The following CYLC2 variants were observed in gnomAD, a reference collection of about 807,000 sequenced individuals.
CYLC2 encodes the protein cylicin 2.
A neutral mutation model predicts 26.1 loss-of-function variants in CYLC2; 30 were observed. The observed-to-expected ratio is 1.15, with a 90% confidence interval of 0.86 to 1.56. CYLC2 has a LOEUF of 1.56. Ranked by LOEUF, CYLC2 falls within the 40% of genes most tolerant of loss-of-function variation. The pLI, the probability that CYLC2 is intolerant of heterozygous loss-of-function variation, is 0.00. For synonymous variants in CYLC2, 158 were observed against 132.8 expected (o/e 1.19, Z -1.31); for missense variants, 498 against 394.4 (o/e 1.26, Z -2.23).
intron 6 of CYLC2, among the ~76,000 whole-genome samples, chr9:103,013,385 A>C (rs1564100531): frequency 1.6e-5 from 1 of 64,388 alleles, no homozygotes; most frequent in Non-Finnish European, 2.5e-5. Context: ...ATATTATATA[A>C]ATATATATTA....
chr9:103,005,261 AG>A lies in CYLC2; in HGVS notation c.632del (p.Gly211GlufsTer22). The A allele has an allele frequency of 1.2e-6, 2 of 1,613,528 alleles. No individual in the cohort carries two copies. The highest frequency in any genetic ancestry group is 1.7e-6 in the Non-Finnish European group (2 of 1,179,866). On this transcript the variant is annotated frameshift_variant, in exon 5 of 8. Transcript: ENST00000374798. LOFTEE classifies it high-confidence loss of function. Reference protein sequence around the residue: ...DSATESEGEKGGTEKDSKKGK... With the variant: ...DSATESEGEKXGTEKDSKKGK... Reference sequence around the variant, plus strand: ...CGGCAACAGAATCTGAAGGTGAAAAAGGAGGTACAGAGAAAGATAGCAAAAA... The same window carrying A: ...CGGCAACAGAATCTGAAGGTGAAAAAGAGGTACAGAGAAAGATAGCAAAAA...
At chr9:103,008,186 T>C (rs1231850181) in intron 5 of CYLC2, among the ~76,000 whole-genome samples, 1 of 152,120 alleles carries the variant, frequency 6.6e-6, no homozygotes, top group East Asian at 1.9e-4. Flanking sequence ...TTTTCACCAA[T>C]AGGATTCAAA....
At position 102,995,731 on chromosome 9, in the gene CYLC2, T is replaced by C. The variant is rs867355428; in HGVS notation, c.17+334T>C. Among the ~76,000 whole-genome samples, 17 of 151,916 alleles carry C rather than the reference T, an allele frequency of 1.1e-4. No homozygotes were observed. In the South Asian group the frequency reaches 1.9e-3, roughly 17 times the overall value. ...ATGATTTTCAGTCAGGGAACCACCTTGGAAATTTCTGTGAATATTTTTTGT... is the reference window on the plus strand; with the variant it reads ...ATGATTTTCAGTCAGGGAACCACCTCGGAAATTTCTGTGAATATTTTTTGT... On this transcript the variant is annotated intron_variant, in intron 1 of 7. Coordinates refer to ENST00000374798, the MANE Select transcript of CYLC2 (RefSeq NM_001340.5).
intron 6 of CYLC2, among the ~76,000 whole-genome samples, chr9:103,015,426 A>C (rs1829492166): frequency 7.3e-6 from 1 of 136,428 alleles, no homozygotes; most frequent in Non-Finnish European, 1.5e-5. Context: ...TATTATAATT[A>C]TATACTTATA....
intron 5 of CYLC2, among the ~76,000 whole-genome samples, chr9:103,008,904 A>T (rs1829378202): frequency 1.3e-5 from 2 of 152,058 alleles, no homozygotes; most frequent in Admixed American, 1.3e-4. Flanking sequence ...CCTTGGTCAA[A>T]GCTTTCTAGT....
intron 6 of CYLC2, among the ~76,000 whole-genome samples, chr9:103,013,908 A>G (rs1049765496): frequency 2.6e-5 from 3 of 114,510 alleles, no homozygotes; most frequent in Non-Finnish European, 4.8e-5. Context: ...ATATAATATT[A>G]TATTATACAT....
chr9:103,013,589 A>G (rs1446029086), intron 6 of CYLC2, among the ~76,000 whole-genome samples: 1 of 112,274 alleles, frequency 8.9e-6, no homozygotes, highest in Non-Finnish European at 1.6e-5. Context: ...TTTACAATAT[A>G]TAAATATATT....
In CYLC2 at chr9:102,997,371, GT is replaced by G. The variant is rs1232492079; in HGVS notation, c.17+1975del. Among the ~76,000 whole-genome samples the G allele has an allele frequency of 2.0e-5, 3 of 151,858 alleles. 1 individual carries two copies. The highest frequency in any genetic ancestry group is 2.9e-5 in the Non-Finnish European group (2 of 67,910). On this transcript the variant is annotated intron_variant, in intron 1 of 7. Coordinates refer to ENST00000374798, the MANE Select transcript of CYLC2 (RefSeq NM_001340.5). Reference sequence around the variant, plus strand: ...TCAGACATTGCAAAATATTCTCTGGGTGAGGAGTTCGAAATAAATCCATGCT... The same window carrying G: ...TCAGACATTGCAAAATATTCTCTGGGGAGGAGTTCGAAATAAATCCATGCT...
intron 6 of CYLC2, among the ~76,000 whole-genome samples, chr9:103,013,054 A>C (rs1469189849): frequency 2.0e-5 from 3 of 146,668 alleles, no homozygotes; most frequent in African/African-American, 7.5e-5. Context: ...AAATGCACTT[A>C]AAAACTAATT....
chr9:103,014,530 A>G lies in CYLC2; in HGVS notation c.*817-2358A>G, dbSNP rs556112773. Among the ~76,000 whole-genome samples the G allele has an allele frequency of 7.9e-5, 11 of 138,406 alleles. No homozygotes were observed. The South Asian group carries it at 2.4e-3, about 31-fold the overall frequency. The allele number at this position is 138,406 out of a possible 152,430, so 90.8% of individuals were successfully genotyped here. On this transcript the variant is annotated intron_variant, in intron 6 of 7. Transcript: ENST00000374798. ...ATGTAATATACATAATATATGCAATATACATCATATGTATATTATGCAGTA... is the reference window on the plus strand; with the variant it reads ...ATGTAATATACATAATATATGCAATGTACATCATATGTATATTATGCAGTA...
At chr9:103,015,369 T>C (rs1829490111) in intron 6 of CYLC2, among the ~76,000 whole-genome samples, 1 of 104,460 alleles carries the variant, frequency 9.6e-6, no homozygotes, top group Admixed American at 1.4e-4. Context: ...TCATATTATA[T>C]AATGTAATAT....
chr9:103,003,479 C>T (rs1829309323), intron 3 of CYLC2, among the ~76,000 whole-genome samples: 1 of 152,088 alleles, frequency 6.6e-6, no homozygotes, highest in Admixed American at 6.5e-5. Context: ...CTATTAAATA[C>T]TTGAAATGAG....
Position 103,005,640 on chromosome 9 carries a change from A to C in CYLC2, c.1009A>C (p.Lys337Gln), listed in dbSNP as rs781201790. The change falls in exon 5 of 8, where the codon AAG becomes CAG. Residue 337 changes from lysine (K) to glutamine (Q), a missense_variant. By Grantham distance (53) the Lys-to-Gln change is moderately conservative. Transcript: ENST00000374798. Reference protein sequence around the residue: ...AKKDAKKNAKKDEKKDAKKKG... With the variant: ...AKKDAKKNAKQDEKKDAKKKG... ...GAAGGATGCAAAGAAGAATGCAAAG[A>C]AGGATGAAAAGAAGGATGCAAAGAA... 3.7e-6 allele frequency: 6 copies of C among 1,612,566 alleles called. No homozygotes were observed. The highest frequency in any genetic ancestry group is 5.1e-6 in the Non-Finnish European group (6 of 1,179,600).
chr9:103,014,524 T>TGCAATGTACATCATATGTATATTAC lies in CYLC2; in HGVS notation c.*817-2359_*817-2358insGTACATCATATGTATATTACGCAAT, dbSNP rs1829468387. On this transcript the variant is annotated intron_variant, in intron 6 of 7. Coordinates refer to ENST00000374798, the MANE Select transcript of CYLC2 (RefSeq NM_001340.5). ...TAATATATGTAATATACATAATATA[T>TGCAATGTACATCATATGTATATTAC]GCAATATACATCATATGTATATTAT... 2.4e-4 allele frequency among the ~76,000 whole-genome samples: 28 copies of TGCAATGTACATCATATGTATATTAC among 114,312 alleles called. 3 individuals are homozygous for TGCAATGTACATCATATGTATATTAC. In the South Asian group the frequency reaches 6.5e-3, roughly 27 times the overall value. 75.0% of individuals were successfully genotyped at this position (114,312 alleles called of 152,430 possible).
chr9:103,013,561 G>T (rs533169989), intron 6 of CYLC2, among the ~76,000 whole-genome samples: 2 of 109,022 alleles, frequency 1.8e-5, no homozygotes, highest in Admixed American at 1.2e-4. Context: ...ATTAATATAT[G>T]TATATCTTAC....
Position 103,006,061 on chromosome 9 carries a change from C to CAA in CYLC2, c.*384_*385insAA, listed in dbSNP as rs1564098339. ...ACACACACACACACACACACACACA[C>CAA]ACACACACACAGTTTAATGAAGGCT... On this transcript the variant is annotated 3_prime_UTR_variant, in exon 5 of 8. Coordinates refer to ENST00000374798, the MANE Select transcript of CYLC2 (RefSeq NM_001340.5). 3.0e-5 allele frequency: 4 copies of CAA among 134,852 alleles called. No individual in the cohort carries two copies. The highest frequency in any genetic ancestry group is 9.2e-5 in the African/African-American group (3 of 32,504). 8.4% of individuals were successfully genotyped at this position (134,852 alleles called of 1,614,324 possible).
In CYLC2 at chr9:103,015,228, T is replaced by C. The variant is rs1405321101; in HGVS notation, c.*817-1660T>C. 3.3e-5 allele frequency among the ~76,000 whole-genome samples: 4 copies of C among 121,424 alleles called. No individual in the cohort carries two copies. The East Asian group carries it at 9.4e-4, about 29-fold the overall frequency. 79.7% of individuals were successfully genotyped at this position (121,424 alleles called of 152,430 possible). On this transcript the variant is annotated intron_variant, in intron 6 of 7. Coordinates refer to ENST00000374798, the MANE Select transcript of CYLC2 (RefSeq NM_001340.5). ...GATATACATAATACGTATATACCTATATTTATATATAATCTGATATATAAT... is the reference window on the plus strand; with the variant it reads ...GATATACATAATACGTATATACCTACATTTATATATAATCTGATATATAAT...
chr9:102,998,786 C>T (rs1197834329), intron 1 of CYLC2, among the ~76,000 whole-genome samples: 1 of 151,936 alleles, frequency 6.6e-6, no homozygotes, highest in Non-Finnish European at 1.5e-5. Context: ...ACTTGCTTTT[C>T]TCCAACCAAT....
intron 6 of CYLC2, among the ~76,000 whole-genome samples, chr9:103,012,332 T>A (rs1829416137): frequency 6.6e-6 from 1 of 152,066 alleles, no homozygotes; most frequent in African/African-American, 2.4e-5. Context: ...AGTATTTTTA[T>A]ATCATGTTCC....
Sources: allele counts gnomAD v4.1 joint callset (sites outside exome capture counted in the v4.1 genomes callset), GRCh38; gene constraint gnomAD v4.1.1; transcripts MANE v1.5; gene names NCBI Gene and HGNC (gene_info 2026-07-23, HGNC 2026-07-21).